DCUN1D2: variants seen among roughly 807,000 people sequenced by gnomAD.
DCUN1D2 encodes the protein DCN1-like protein 2.
Under a neutral mutation model 30.9 loss-of-function variants are expected in DCUN1D2, and 29 were observed. The observed-to-expected ratio is 0.94, with a 90% CI of 0.70 to 1.28. The LOEUF (loss-of-function observed/expected upper bound fraction) is 1.28, where lower values mean the gene tolerates loss of function less well. Ranked by LOEUF, DCUN1D2 falls within the 50% of genes most tolerant of loss-of-function variation. The probability of loss-of-function intolerance (pLI) is 0.00; values close to 1 mark genes in which losing one functional copy is unlikely to be tolerated. For synonymous variants in DCUN1D2, 121 were observed against 115.3 expected (o/e 1.05, Z -0.32); for missense variants, 325 against 316.9 (o/e 1.03, Z -0.19).
chr13:113,455,970 T>C lies in DCUN1D2; in HGVS notation c.*2059A>G, dbSNP rs1046205003. 1.9e-5 allele frequency: 7 copies of C among 374,732 alleles called. No homozygotes were observed. The highest frequency in any genetic ancestry group is 1.5e-4 in the African/African-American group (7 of 48,190). 23.2% of individuals were successfully genotyped at this position (374,732 alleles called of 1,614,324 possible). A position where few individuals can be genotyped will look rare whatever the true frequency, so the allele number is the denominator to read the frequency against. ...ATATCTATTGACAATCCCTTAGAAC[T>C]TTAAATCTCAAAAACAAAAAAGTAC... On this transcript the variant is annotated 3_prime_UTR_variant, in exon 7 of 7. Transcript: ENST00000478244.
At position 113,456,061 on chromosome 13, in the gene DCUN1D2, C is replaced by G. The variant is rs577176116; in HGVS notation, c.*1968G>C. The G allele has an allele frequency of 2.5e-6, 1 of 397,300 alleles. No homozygotes were observed. The highest frequency in any genetic ancestry group is 2.1e-5 in the African/African-American group (1 of 48,754). 24.6% of individuals were successfully genotyped at this position (397,300 alleles called of 1,614,324 possible). A position where few individuals can be genotyped will look rare whatever the true frequency, so the allele number is the denominator to read the frequency against. On this transcript the variant is annotated 3_prime_UTR_variant, in exon 7 of 7. Transcript: ENST00000478244. ...TAAACTTTTCTGAACAAAACAATTA[C>G]ATGTCAAGAATCCATGAAGCCTGGA...
Position 113,482,002 on chromosome 13 carries a change from C to T in DCUN1D2, c.221-1259G>A, listed in dbSNP as rs369794982. Among the ~76,000 whole-genome samples, 15 of 152,326 alleles carry T rather than the reference C, an allele frequency of 9.8e-5. No individual in the cohort carries two copies. The East Asian group carries it at 2.5e-3, about 25-fold the overall frequency. On this transcript the variant is annotated intron_variant, in intron 2 of 6. Transcript: ENST00000478244. ...AGAGGTTCTGTAAAAAAAATCCCCA[C>T]TTATCACCTTATTCAATTCCATCTC...
chr13:113,487,699 GGGA>G (rs2044832454), intron 1 of DCUN1D2, among the ~76,000 whole-genome samples: 1 of 152,248 alleles, frequency 6.6e-6, no homozygotes, highest in African/African-American at 2.4e-5. Context: ...GCTGGGGCAA[GGGA>G]GGAGTTGGGA....
At chr13:113,470,365 T>C (rs2139699550) in intron 4 of DCUN1D2, among the ~76,000 whole-genome samples, 1 of 152,284 alleles carries the variant, frequency 6.6e-6, no homozygotes, top group East Asian at 1.9e-4. Flanking sequence ...TCTCAGAACC[T>C]ATCGCTGCCA....
chr13:113,456,656 C>T lies in DCUN1D2; in HGVS notation c.*1373G>A, dbSNP rs1036130974. On this transcript the variant is annotated 3_prime_UTR_variant, in exon 7 of 7. Coordinates refer to ENST00000478244, the MANE Select transcript of DCUN1D2 (RefSeq NM_001014283.2). ...CAGCCCTCCACACCTCGGCAGCACT[C>T]GTGGGTCCTCCTCAACCAGGCGGAC... The T allele has an allele frequency of 1.3e-5, 4 of 314,424 alleles. No homozygotes were observed. Among genetic ancestry groups the T allele is most frequent in the African/African-American group, 4.3e-5 (2 of 46,616 alleles). 19.5% of individuals were successfully genotyped at this position (314,424 alleles called of 1,614,324 possible).
chr13:113,464,974 G>C (rs544172901), intron 4 of DCUN1D2, among the ~76,000 whole-genome samples: 65 of 152,320 alleles, frequency 4.3e-4, no homozygotes, highest in Non-Finnish European at 7.1e-4. Flanking sequence ...TTCTGTATGT[G>C]TCAAGTTAAC....
At chr13:113,484,242 C>T in intron 1 of DCUN1D2, 186 bp from the exon 2 acceptor site, 1 of 1,301,206 alleles carries the variant, frequency 7.7e-7, no homozygotes, top group Non-Finnish European at 1.0e-6. Context: ...AACAGGCAGT[C>T]TAAGCTTCAA....
chr13:113,491,137 A>C (rs1453877828), upstream of DCUN1D2: 2 of 152,468 alleles, frequency 1.3e-5, no homozygotes, highest in Non-Finnish European at 2.9e-5. Context: ...GATGCAAGGA[A>C]GCCCTCCGGC....
At chr13:113,489,117 T>C in intron 1 of DCUN1D2, 1 of 985,396 alleles carries the variant, frequency 1.0e-6, no homozygotes, top group Non-Finnish European at 1.2e-6. Flanking sequence ...ATCATGTTGA[T>C]CGAATAAACT....
intron 5 of DCUN1D2, among the ~76,000 whole-genome samples, chr13:113,460,378 C>CT (rs2044299084): frequency 6.6e-6 from 1 of 152,250 alleles, no homozygotes; most frequent in African/African-American, 2.4e-5. Flanking sequence ...TGGAAGACCA[C>CT]TTCTTTCACT....
chr13:113,458,549 AGCTCCTGCACTGCTGCCTCAATCCTG>A (rs2044265093), intron 6 of DCUN1D2, among the ~76,000 whole-genome samples: 1 of 152,182 alleles, frequency 6.6e-6, no homozygotes, highest in Admixed American at 6.5e-5. Flanking sequence ...GTGCCCTCTG[AGCTCCTGCACTGCTGCCTCAATCCTG>A]GAAGCCGCGC....
Position 113,490,576 on chromosome 13 carries a change from G to A in DCUN1D2, c.3+91C>T. 2 of 1,143,638 alleles carry A rather than the reference G, an allele frequency of 1.7e-6. No homozygotes were observed. Among genetic ancestry groups the A allele is most frequent in the South Asian group, 3.5e-5 (1 of 28,816 alleles). 70.8% of individuals were successfully genotyped at this position (1,143,638 alleles called of 1,614,324 possible). A position where few individuals can be genotyped will look rare whatever the true frequency, so the allele number is the denominator to read the frequency against. Reference sequence around the variant, plus strand: ...CGCCCCGCGCAGCTCGCTGGGCTCGGCCTCCCACATCCAGCGCGCCGCCTG... The same window carrying A: ...CGCCCCGCGCAGCTCGCTGGGCTCGACCTCCCACATCCAGCGCGCCGCCTG... On this transcript the variant is annotated intron_variant, in intron 1 of 6. Transcript: ENST00000478244. The surrounding 1 kb of genome is among the most constrained non-coding windows in gnomAD (Gnocchi z 5.2).
At chr13:113,482,650 T>C (rs965132356) in intron 2 of DCUN1D2, among the ~76,000 whole-genome samples, 8 of 151,906 alleles carry the variant, frequency 5.3e-5, no homozygotes, top group Admixed American at 1.3e-4. Context: ...AAGTAATAAA[T>C]AAACAAGAAC....
chr13:113,490,726 G>A (rs1176521959), upstream of DCUN1D2: 2 of 1,180,874 alleles, frequency 1.7e-6, no homozygotes, highest in Non-Finnish European at 2.1e-6. This position sits in a 1 kb window ranked among gnomAD's most constrained non-coding sequence, Gnocchi z 5.2. Context: ...GCGCGGCGGC[G>A]GCTCCGCCCT....
intron 3 of DCUN1D2, among the ~76,000 whole-genome samples, chr13:113,475,169 T>A (rs537125683): frequency 6.6e-6 from 1 of 152,222 alleles, no homozygotes; most frequent in Admixed American, 6.5e-5. Flanking sequence ...AGCACAAATG[T>A]ATGACTCAGT....
intron 6 of DCUN1D2, 79 bp downstream of exon 6, chr13:113,459,233 A>G (rs2139671347): frequency 2.5e-6 from 2 of 786,580 alleles, no homozygotes; most frequent in East Asian, 4.9e-5. Flanking sequence ...TGACGGGGTC[A>G]CCACTCTAGA....
chr13:113,473,682 G>C (rs1171842784), intron 4 of DCUN1D2, among the ~76,000 whole-genome samples: 1 of 152,200 alleles, frequency 6.6e-6, no homozygotes, highest in Non-Finnish European at 1.5e-5. Context: ...GCAAAGTGTG[G>C]AGAAGAAAAG....
intron 4 of DCUN1D2, among the ~76,000 whole-genome samples, chr13:113,471,524 G>A (rs1426504478): frequency 6.6e-6 from 1 of 152,196 alleles, no homozygotes; most frequent in Non-Finnish European, 1.5e-5. Flanking sequence ...AGATTAGAAA[G>A]TACTTACTGA....
rs9604121 is a variant in DCUN1D2 at position 113,476,835 on chromosome 13, C to T, written c.390-2581G>A. ...GAAACTGATTTTTACATATGGTATG[C>T]GGTAGAGGTCAGGATTTATTTTTCC... On this transcript the variant is annotated intron_variant, in intron 3 of 6. Transcript: ENST00000478244. 6.3e-3 allele frequency among the ~76,000 whole-genome samples: 955 copies of T among 152,274 alleles called. 8 individuals are homozygous for T. Among genetic ancestry groups the T allele is most frequent in the African/African-American group, 0.022 (909 of 41,556 alleles).
Sources: gnomAD v4.1 joint callset for allele counts (sites outside exome capture counted in the v4.1 genomes callset) on GRCh38, gnomAD v4.1.1 for gene constraint, Gnocchi (gnomAD v3.1) non-coding constraint, MANE v1.5 for transcripts, NCBI Gene and HGNC (gene_info 2026-07-23, HGNC 2026-07-21) for gene names.